ADAMTSL1: variants seen among roughly 807,000 people sequenced by gnomAD.
The protein encoded by ADAMTSL1 is ADAMTS-like protein 1.
A neutral mutation model predicts 201.8 loss-of-function variants in ADAMTSL1; 126 were observed. The observed-to-expected ratio is 0.62, with a 90% CI of 0.54 to 0.72. The LOEUF is 0.72. Among genes scored for constraint, ADAMTSL1 ranks in the 30% least tolerant of loss-of-function variants. ADAMTSL1 has a pLI of 0.00. For synonymous variants in ADAMTSL1, 1,121 were observed against 903.4 expected, an observed-to-expected ratio of 1.24 and a Z score of -4.32; for missense variants, 2,679 against 2,277.8, an observed-to-expected ratio of 1.18 and a Z score of -3.59.
chr9:18,456,283 G>C (rs1262255695), intron 2 of ADAMTSL1, among the ~76,000 whole-genome samples: 1 of 152,140 alleles, frequency 6.6e-6, no homozygotes, highest in African/African-American at 2.4e-5. Context: ...AAGTGGCCTT[G>C]GTCCTTAACA....
chr9:18,058,468 T>C (rs1006439163), intron 1 of ADAMTSL1, among the ~76,000 whole-genome samples: 1 of 152,222 alleles, frequency 6.6e-6, no homozygotes, highest in African/African-American at 2.4e-5. Context: ...CGCATTGACA[T>C]GTATACCATT....
At chr9:18,761,980 TA>T (rs970922813) in intron 16 of ADAMTSL1, among the ~76,000 whole-genome samples, 2 of 152,254 alleles carry the variant, frequency 1.3e-5, no homozygotes, top group African/African-American at 4.8e-5. Flanking sequence ...TGGCTAATGA[TA>T]AAACAGCCTG....
intron 23 of ADAMTSL1, among the ~76,000 whole-genome samples, chr9:18,850,112 G>A (rs1236447361): frequency 5.9e-5 from 9 of 152,186 alleles, no homozygotes; most frequent in East Asian, 1.9e-4. Flanking sequence ...AAGCCATAGC[G>A]AGCACCCAGG....
At chr9:18,325,162 A>G (rs1475027550) in intron 2 of ADAMTSL1, among the ~76,000 whole-genome samples, 5 of 152,180 alleles carry the variant, frequency 3.3e-5, no homozygotes, top group African/African-American at 9.7e-5. Flanking sequence ...TGGTATAACC[A>G]CTTTGGAAAA....
rs575151094 is a variant in ADAMTSL1, at chr9:18,799,562, T to C, written c.3805+4038T>C. Among the ~76,000 whole-genome samples, 16 of 152,320 alleles carry C rather than the reference T, an allele frequency of 1.1e-4. No homozygotes were observed. In the South Asian group the frequency reaches 2.7e-3, roughly 26 times the overall value. On this transcript the variant is annotated intron_variant, in intron 20 of 28. Transcript: ENST00000380548. ...AAAAGGGAAACATTTTTGGTTGTTA[T>C]TGATTTTATAAGATCACAAAAGAGA...
At chr9:18,458,884 C>A (rs1325364501) in intron 2 of ADAMTSL1, among the ~76,000 whole-genome samples, 1 of 152,136 alleles carries the variant, frequency 6.6e-6, no homozygotes, top group Admixed American at 6.6e-5. Context: ...TATTTCCTTG[C>A]ATGTTCTGAG....
chr9:18,907,175 A>G (rs986602732), intron 28 of ADAMTSL1: 126 of 484,232 alleles, frequency 2.6e-4, no homozygotes, highest in Non-Finnish European at 5.9e-5. Flanking sequence ...CCAGTGCTGG[A>G]GGAAATCAGC....
intron 19 of ADAMTSL1, among the ~76,000 whole-genome samples, chr9:18,783,961 C>A (rs1821552710): frequency 6.6e-6 from 1 of 152,218 alleles, no homozygotes; most frequent in African/African-American, 2.4e-5. Flanking sequence ...AAATTCGTTT[C>A]ATGGCTTGTC....
At chr9:18,311,154 T>G (rs1389377011) in intron 2 of ADAMTSL1, among the ~76,000 whole-genome samples, 5 of 150,768 alleles carry the variant, frequency 3.3e-5, no homozygotes, top group Non-Finnish European at 5.9e-5. Context: ...AGCTGAACTA[T>G]GAGAACAGAT....
At chr9:17,999,753 G>A (rs4007667) in intron 1 of ADAMTSL1, among the ~76,000 whole-genome samples, 3 of 139,722 alleles carry the variant, frequency 2.1e-5, no homozygotes, top group African/African-American at 7.9e-5. Flanking sequence ...ATCCCTCCCC[G>A]CTCCCCCCAC....
intron 19 of ADAMTSL1, among the ~76,000 whole-genome samples, chr9:18,782,652 A>G (rs926901614): frequency 6.6e-5 from 10 of 152,218 alleles, no homozygotes; most frequent in African/African-American, 1.4e-4. Context: ...TCAGGTGGTG[A>G]TAAGTGTCAG....
intron 2 of ADAMTSL1, among the ~76,000 whole-genome samples, chr9:18,324,495 T>G (rs947248560): frequency 2.0e-5 from 3 of 151,924 alleles, no homozygotes; most frequent in African/African-American, 7.2e-5. Context: ...CTAGGTGCAG[T>G]GGCTCATGCC....
intron 1 of ADAMTSL1, among the ~76,000 whole-genome samples, chr9:18,024,072 T>C (rs750982357): frequency 1.3e-5 from 2 of 152,122 alleles, no homozygotes; most frequent in Non-Finnish European, 2.9e-5. Context: ...ATTTTGTATC[T>C]GGTTACATCA....
intron 1 of ADAMTSL1, among the ~76,000 whole-genome samples, chr9:18,064,258 T>C (rs1330157907): frequency 6.6e-6 from 1 of 151,926 alleles, no homozygotes; most frequent in Non-Finnish European, 1.5e-5. Context: ...GAATGATCAA[T>C]GTAGTCTGTA....
At chr9:18,119,768 A>C (rs1825420518) in intron 1 of ADAMTSL1, among the ~76,000 whole-genome samples, 1 of 152,190 alleles carries the variant, frequency 6.6e-6, no homozygotes, top group Admixed American at 6.5e-5. Flanking sequence ...TATGTCTGAA[A>C]GGAGTTGCTG....
At chr9:17,953,648 C>A (rs1387700785) in intron 1 of ADAMTSL1, among the ~76,000 whole-genome samples, 1 of 152,056 alleles carries the variant, frequency 6.6e-6, no homozygotes, top group African/African-American at 2.4e-5. Context: ...AAACATATAA[C>A]ATTAAATTTG....
chr9:18,835,382 T>C (rs969028485), intron 23 of ADAMTSL1, among the ~76,000 whole-genome samples: 2 of 152,320 alleles, frequency 1.3e-5, no homozygotes, highest in African/African-American at 2.4e-5. Flanking sequence ...TAATGAGATA[T>C]GTAATTTCCC....
At chr9:18,645,075 C>T (rs76719114) in intron 7 of ADAMTSL1, among the ~76,000 whole-genome samples, 5,195 of 152,142 alleles carry the variant, frequency 0.034, 124 homozygotes, top group Non-Finnish European at 0.053. Context: ...TTAATGATTG[C>T]CATTCTACCT....
In ADAMTSL1 at chr9:18,505,018, T is replaced by C. The variant is rs895247144; in HGVS notation, c.191+62T>C. 1.0e-5 allele frequency: 16 copies of C among 1,556,846 alleles called. No homozygotes were observed. In the African/African-American group the frequency reaches 2.1e-4, roughly 20 times the overall value. ...CAGAGGTAGCCGGTTTGAGGCATGC[T>C]TTTGTGATTGGGTTTATGGAGAACA... On this transcript the variant is annotated intron_variant, in intron 2 of 28. Transcript: ENST00000380548.
Sources: gnomAD v4.1 joint callset for allele counts (sites outside exome capture counted in the v4.1 genomes callset) on GRCh38, gnomAD v4.1.1 for gene constraint, MANE v1.5 for transcripts, NCBI Gene and HGNC (gene_info 2026-07-23, HGNC 2026-07-21) for gene names.